The following EIF3L variants were observed in gnomAD, a reference collection of about 807,000 sequenced individuals.
The protein encoded by EIF3L is eIEF associated protein HSPC021.
A neutral mutation model predicts 74.6 loss-of-function variants in EIF3L; 32 were observed. The observed-to-expected ratio is 0.43, with a 90% CI of 0.32 to 0.58. The LOEUF (loss-of-function observed/expected upper bound fraction) is 0.58, where lower values mean the gene tolerates loss of function less well. Ranked by LOEUF, EIF3L falls within the 20% of genes least tolerant of loss-of-function variation. The probability of loss-of-function intolerance (pLI) is 0.06; values close to 1 mark genes in which losing one functional copy is unlikely to be tolerated. For synonymous variants in EIF3L, 256 were observed against 254.4 expected (o/e 1.01, Z -0.06); for missense variants, 474 against 707.8 (o/e 0.67, Z 3.75).
At position 37,862,846 on chromosome 22, in the gene EIF3L, T is replaced by G. The variant is rs115935410; in HGVS notation, c.436-123T>G. 1,306 of 696,992 alleles carry G rather than the reference T, an allele frequency of 1.9e-3. 8 individuals are homozygous for G. In the African/African-American group the frequency reaches 0.022, roughly 12 times the overall value. 43.2% of individuals were successfully genotyped at this position (696,992 alleles called of 1,614,324 possible). On this transcript the variant is annotated intron_variant, in intron 5 of 12. Coordinates refer to ENST00000652021, the MANE Select transcript of EIF3L (RefSeq NM_016091.4). The stretch of plus-strand genomic sequence containing the variant: ...CTTCCCTCTCACTTGCATATTTACA[T>G]AGTAAGAAAGAGAGGACAGATACCA...
intron 8 of EIF3L, among the ~76,000 whole-genome samples, chr22:37,873,723 C>G (rs1926601084): frequency 6.6e-6 from 1 of 151,958 alleles, no homozygotes; most frequent in Non-Finnish European, 1.5e-5. Flanking sequence ...ATCTCAGTCT[C>G]AAAAAACAAA....
intron 9 of EIF3L, 39 bp from the exon 10 acceptor site, chr22:37,875,802 A>G: frequency 6.3e-7 from 1 of 1,589,364 alleles, no homozygotes; most frequent in Non-Finnish European, 8.6e-7. Flanking sequence ...TCTAGGATGA[A>G]TTGGGACTCA....
At chr22:37,858,536 A>C (rs1283976311) in intron 4 of EIF3L, 143 bp from the exon 5 acceptor site, 1 of 722,406 alleles carries the variant, frequency 1.4e-6, no homozygotes, top group East Asian at 2.6e-5. Flanking sequence ...TTCTCATTGC[A>C]TGTATTCTTG....
Position 37,863,344 on chromosome 22 carries a change from AGGTATCT to A in EIF3L, c.579+3_579+9del, listed in dbSNP as rs1925963888. The A allele has an allele frequency of 3.1e-6, 5 of 1,612,384 alleles. No individual in the cohort carries two copies. The highest frequency in any genetic ancestry group is 4.2e-6 in the Non-Finnish European group (5 of 1,178,876). On this transcript the variant is annotated splice_donor_variant and splice_donor_5th_base_variant and coding_sequence_variant and intron_variant, in exon 7 of 13. Transcript: ENST00000652021. LOFTEE classifies it high-confidence loss of function. Reference sequence around the variant, plus strand: ...GATATTATCGATGAGTTCATCTACCAGGTATCTGGTCAGCTTCAGCCTAATTTGAAAT... The same window carrying A: ...GATATTATCGATGAGTTCATCTACCAGGTCAGCTTCAGCCTAATTTGAAAT...
intron 7 of EIF3L, among the ~76,000 whole-genome samples, chr22:37,866,642 C>T (rs180794289): frequency 1.1e-4 from 17 of 152,060 alleles, no homozygotes; most frequent in African/African-American, 1.9e-4. Context: ...AAAAATCAGC[C>T]GGGCGTGGTG....
intron 12 of EIF3L, 151 bp downstream of exon 12, chr22:37,886,996 T>A (rs1927357754): frequency 1.9e-6 from 1 of 535,552 alleles, no homozygotes; most frequent in Non-Finnish European, 3.4e-6. Context: ...CGACGTGATC[T>A]TAGCTCACTG....
intron 9 of EIF3L, among the ~76,000 whole-genome samples, chr22:37,875,009 C>G (rs892592311): frequency 6.7e-6 from 1 of 149,130 alleles, no homozygotes; most frequent in Non-Finnish European, 1.5e-5. Flanking sequence ...TCCCAAAATG[C>G]TGGGATTACA....
chr22:37,880,951 AG>A (rs1176397510), intron 11 of EIF3L: 1 of 152,342 alleles, frequency 6.6e-6, no homozygotes, highest in African/African-American at 2.4e-5. Flanking sequence ...GTTCTGTGAT[AG>A]TCCAGCATCT....
chr22:37,863,867 C>T (rs1203379359), intron 7 of EIF3L, among the ~76,000 whole-genome samples: 5 of 151,934 alleles, frequency 3.3e-5, no homozygotes, highest in Non-Finnish European at 7.4e-5. Flanking sequence ...AGATCAAGAC[C>T]ATCCTGGCTA....
intron 3 of EIF3L, among the ~76,000 whole-genome samples, chr22:37,852,049 C>G (rs1200821802): frequency 2.6e-5 from 4 of 152,096 alleles, no homozygotes. Flanking sequence ...AGTGATGTAC[C>G]CCCGTTGGCC....
At chr22:37,885,475 TCTTAA>T (rs1927271254) in intron 11 of EIF3L, 1 of 152,102 alleles carries the variant, frequency 6.6e-6, no homozygotes, top group African/African-American at 2.4e-5. Flanking sequence ...GACTCTTCAT[TCTTAA>T]CTTGAAAGAA....
intron 7 of EIF3L, among the ~76,000 whole-genome samples, chr22:37,867,091 GC>G (rs1926191237): frequency 6.6e-6 from 1 of 152,138 alleles, no homozygotes; most frequent in Non-Finnish European, 1.5e-5. Flanking sequence ...AGGCTGGAGT[GC>G]AGTGGTGTGA....
chr22:37,875,371 C>G (rs1926690372), intron 9 of EIF3L, among the ~76,000 whole-genome samples: 2 of 151,586 alleles, frequency 1.3e-5, no homozygotes, highest in Admixed American at 6.6e-5. Context: ...GAACAAGACT[C>G]TGTCCCAGAA....
intron 11 of EIF3L, chr22:37,879,107 CTAATTTTTGTATTTTTAG>C (rs1270758587): frequency 2.6e-5 from 4 of 152,100 alleles, no homozygotes; most frequent in African/African-American, 9.7e-5. Context: ...CCACACCTGG[CTAATTTTTGTATTTTTAG>C]TAGAGACAGG....
At chr22:37,870,420 C>T in intron 8 of EIF3L, 73 bp downstream of exon 8, 2 of 1,430,214 alleles carry the variant, frequency 1.4e-6, no homozygotes, top group South Asian at 1.3e-5. Flanking sequence ...ATGAATAGAT[C>T]ACTGCAAGGA....
At chr22:37,884,272 T>C (rs960250384) in intron 11 of EIF3L, 4 of 152,270 alleles carry the variant, frequency 2.6e-5, no homozygotes, top group African/African-American at 9.6e-5. Flanking sequence ...CATGTATTAA[T>C]GTACTGCATT....
rs755623738 is a variant in EIF3L at position 37,855,558 on chromosome 22, T to A, written c.294-7T>A. The stretch of plus-strand genomic sequence containing the variant: ...GGAATTTTAGAGATTTTTTTCTTGA[T>A]TTTTAGCTGGACCAAGCTGACTGAA... On this transcript the variant is annotated splice_region_variant and splice_polypyrimidine_tract_variant and intron_variant, in intron 3 of 12. Transcript: ENST00000652021. 6.2e-7 allele frequency: 1 copy of A among 1,613,808 alleles called. No individual in the cohort carries two copies. Among genetic ancestry groups the A allele is most frequent in the Non-Finnish European group, 8.5e-7 (1 of 1,179,728 alleles).
At position 37,875,832 on chromosome 22, in the gene EIF3L, C is replaced by T; in HGVS notation, c.907-9C>T. The T allele has an allele frequency of 6.2e-7, 1 of 1,611,140 alleles. No individual in the cohort carries two copies. Reference sequence around the variant, plus strand: ...GACTCATGAATGTTTGTTCTACCTCCTTCTACAGAGTATGTATTCCCGTGT... The same window carrying T: ...GACTCATGAATGTTTGTTCTACCTCTTTCTACAGAGTATGTATTCCCGTGT... On this transcript the variant is annotated splice_polypyrimidine_tract_variant and intron_variant, in intron 9 of 12. Coordinates refer to ENST00000652021, the MANE Select transcript of EIF3L (RefSeq NM_016091.4).
In EIF3L at chr22:37,859,901, A is replaced by G. The variant is rs960228836; in HGVS notation, c.435+1161A>G. On this transcript the variant is annotated intron_variant, in intron 5 of 12. Coordinates refer to ENST00000652021, the MANE Select transcript of EIF3L (RefSeq NM_016091.4). ...GTGGCGGGTGCCTGTAATCCCAGCT[A>G]CTTGGAAGGCTGAGGCAGGAGAATC... Among the ~76,000 whole-genome samples the G allele has an allele frequency of 5.9e-5, 9 of 152,084 alleles. 1 individual carries two copies. The highest frequency in any genetic ancestry group is 2.2e-4 in the African/African-American group (9 of 41,438).
Sources: gnomAD v4.1 joint callset for allele counts (sites outside exome capture counted in the v4.1 genomes callset) on GRCh38, gnomAD v4.1.1 for gene constraint, MANE v1.5 for transcripts, NCBI Gene and HGNC (gene_info 2026-07-23, HGNC 2026-07-21) for gene names.